Variants in CSMD3 observed in about 807,000 individuals in gnomAD.
The protein encoded by CSMD3 is CUB and sushi domain-containing protein 3.
A neutral mutation model predicts 435.2 loss-of-function variants in CSMD3; 177 were observed. The observed-to-expected ratio is 0.41, with a 90% CI of 0.36 to 0.46. The LOEUF (loss-of-function observed/expected upper bound fraction) is 0.46. CSMD3 is among the 20% of genes least tolerant of loss of function. The pLI is 0.34. For synonymous variants in CSMD3, 1,656 were observed against 1,520.5 expected (o/e 1.09, Z -2.07); for missense variants, 4,265 against 4,504.6 (o/e 0.95, Z 1.52).
chr8:112,321,065 T>C (rs1822955515), intron 45 of CSMD3, among the ~76,000 whole-genome samples: 1 of 152,160 alleles, frequency 6.6e-6, no homozygotes. Context: ...ATTTGCTTGA[T>C]TGAAGTCTTT....
intron 22 of CSMD3, among the ~76,000 whole-genome samples, chr8:112,624,385 T>C (rs1018733900): frequency 2.6e-5 from 4 of 152,122 alleles, no homozygotes; most frequent in Non-Finnish European, 5.9e-5. Context: ...TAAAACTATA[T>C]AATGTCCACT....
intron 13 of CSMD3, among the ~76,000 whole-genome samples, chr8:112,752,246 T>C (rs902247363): frequency 1.3e-5 from 2 of 152,192 alleles, no homozygotes; most frequent in African/African-American, 4.8e-5. Flanking sequence ...CACTGGTCTC[T>C]ATTCCTAAGC....
intron 24 of CSMD3, among the ~76,000 whole-genome samples, chr8:112,561,153 A>G (rs1469356336): frequency 6.6e-6 from 1 of 151,712 alleles, no homozygotes; most frequent in African/African-American, 2.4e-5. Flanking sequence ...TTATTCATAA[A>G]TATGCAGAAA....
chr8:113,420,160 T>C (rs1052883447), intron 1 of CSMD3, among the ~76,000 whole-genome samples: 1 of 152,120 alleles, frequency 6.6e-6, no homozygotes, highest in African/African-American at 2.4e-5. Flanking sequence ...TTTAAAAACA[T>C]TTACATACTG....
chr8:112,431,089 T>C (rs562912574), intron 32 of CSMD3, among the ~76,000 whole-genome samples: 24 of 152,026 alleles, frequency 1.6e-4, no homozygotes, highest in Non-Finnish European at 2.9e-4. Context: ...CTCACAGATA[T>C]TTAGGTTAAC....
intron 1 of CSMD3, among the ~76,000 whole-genome samples, chr8:113,417,601 A>G (rs1371874438): frequency 6.6e-6 from 1 of 152,032 alleles, no homozygotes; most frequent in Non-Finnish European, 1.5e-5. Context: ...ACATACCTTG[A>G]GGAGGTGAAA....
At chr8:112,909,963 G>C (rs1382159219) in intron 10 of CSMD3, among the ~76,000 whole-genome samples, 2 of 151,766 alleles carry the variant, frequency 1.3e-5, no homozygotes, top group African/African-American at 4.8e-5. Flanking sequence ...GTAGAACAAG[G>C]ATATGATATG....
At chr8:112,843,311 A>G (rs2080231966) in intron 11 of CSMD3, among the ~76,000 whole-genome samples, 1 of 151,888 alleles carries the variant, frequency 6.6e-6, no homozygotes, top group African/African-American at 2.4e-5. Context: ...TGCTCATAAA[A>G]GAGGCAGCAT....
chr8:113,106,360 G>T (rs1336276865), intron 4 of CSMD3, among the ~76,000 whole-genome samples: 1 of 152,104 alleles, frequency 6.6e-6, no homozygotes, highest in East Asian at 1.9e-4. Flanking sequence ...TCATAGAAGA[G>T]TAGACAGTAC....
At chr8:112,245,749 G>C (rs572120399) in intron 64 of CSMD3, among the ~76,000 whole-genome samples, 1 of 152,100 alleles carries the variant, frequency 6.6e-6, no homozygotes. Context: ...TGGTGACCAG[G>C]CTGGTCTCGA....
At position 112,517,445 on chromosome 8, in the gene CSMD3, T is replaced by G. The variant is rs374559604; in HGVS notation, c.4565-220A>C. 3.9e-5 allele frequency among the ~76,000 whole-genome samples: 6 copies of G among 152,232 alleles called. No homozygotes were observed. In the East Asian group the frequency reaches 9.7e-4, roughly 25 times the overall value. ...AAATACTAGATTTACTCAACATTAT[T>G]AAATGTATTGTGAAAGACACTGAAG... On this transcript the variant is annotated intron_variant, in intron 27 of 70. Transcript: ENST00000297405.
Position 112,370,209 on chromosome 8 carries a change from C to T in CSMD3, c.6136+10143G>A, listed in dbSNP as rs183917446. On this transcript the variant is annotated intron_variant, in intron 38 of 70. Transcript: ENST00000297405. Reference sequence around the variant, plus strand: ...AATCATTGTTTTGTTTTGTTTTTCACTTTTCCAGCAAATATTCATTGAGGA... The same window carrying T: ...AATCATTGTTTTGTTTTGTTTTTCATTTTTCCAGCAAATATTCATTGAGGA... 5.3e-5 allele frequency among the ~76,000 whole-genome samples: 8 copies of T among 152,186 alleles called. No homozygotes were observed. The East Asian group carries it at 1.5e-3, about 29-fold the overall frequency.
intron 3 of CSMD3, among the ~76,000 whole-genome samples, chr8:113,236,904 A>T (rs1036601081): frequency 1.3e-5 from 2 of 152,070 alleles, no homozygotes; most frequent in African/African-American, 4.8e-5. Context: ...AAGAATTCTG[A>T]CTATTACAAT....
intron 16 of CSMD3, among the ~76,000 whole-genome samples, chr8:112,681,641 A>G (rs910245651): frequency 1.3e-5 from 2 of 151,980 alleles, no homozygotes; most frequent in African/African-American, 4.8e-5. Context: ...CGAGGCAGAC[A>G]GATCACTTGA....
At chr8:112,633,985 T>C (rs2131568210) in intron 22 of CSMD3, among the ~76,000 whole-genome samples, 1 of 152,180 alleles carries the variant, frequency 6.6e-6, no homozygotes, top group Non-Finnish European at 1.5e-5. Flanking sequence ...AGCAAACTTT[T>C]GAAATACAAC....
At chr8:113,115,637 A>G (rs1436760365) in intron 4 of CSMD3, among the ~76,000 whole-genome samples, 2 of 152,070 alleles carry the variant, frequency 1.3e-5, no homozygotes, top group African/African-American at 2.4e-5. Flanking sequence ...TAGTTTATTA[A>G]TTTTCACTGT....
intron 27 of CSMD3, among the ~76,000 whole-genome samples, chr8:112,530,518 G>GA (rs1029978073): frequency 3.9e-5 from 6 of 152,062 alleles, no homozygotes; most frequent in Non-Finnish European, 8.8e-5. Context: ...AATGTGGAAA[G>GA]AAAAAATAGC....
At chr8:112,237,429 G>T in intron 66 of CSMD3, 81 bp from the exon 67 acceptor site, 2 of 998,222 alleles carry the variant, frequency 2.0e-6, no homozygotes, top group Non-Finnish European at 3.1e-6. Context: ...TTAGTTTATT[G>T]AATAATGATG....
chr8:112,323,315 T>C (rs78104728), intron 45 of CSMD3, among the ~76,000 whole-genome samples: 2,286 of 152,184 alleles, frequency 0.015, 58 homozygotes, highest in African/African-American at 0.052. Context: ...CTATGATTTG[T>C]CCAATGTCTC....
Sources: gnomAD v4.1 joint callset for allele counts (sites outside exome capture counted in the v4.1 genomes callset) on GRCh38, gnomAD v4.1.1 for gene constraint, MANE v1.5 for transcripts, NCBI Gene and HGNC (gene_info 2026-07-23, HGNC 2026-07-21) for gene names.